The following ECPAS variants were observed in gnomAD, a reference collection of about 807,000 sequenced individuals.
ECPAS encodes the protein Ecm29 proteasome adaptor and scaffold, also known as proteasome adapter and scaffold protein ECM29.
Under a neutral mutation model 255.1 loss-of-function variants are expected in ECPAS, and 70 were observed. The ratio of observed to expected loss-of-function variants is 0.27; its 90% CI spans 0.23 to 0.33. The LOEUF (loss-of-function observed/expected upper bound fraction) is 0.33. Ranked by LOEUF, ECPAS falls within the 10% of genes least tolerant of loss-of-function variation. ECPAS has a pLI of 1.00. For missense variants in ECPAS, 1,817 were observed against 2,206.4 expected (o/e 0.82, Z 3.54); for synonymous variants, 784 against 775.0 (o/e 1.01, Z -0.19).
At chr9:111,441,739 T>A (rs553451600) in intron 5 of ECPAS, among the ~76,000 whole-genome samples, 130 of 152,304 alleles carry the variant, frequency 8.5e-4, no homozygotes, top group Middle Eastern at 3.4e-3. Flanking sequence ...CAGTATTTTT[T>A]AAAAAATGAA....
chr9:111,438,774 A>G (rs1017493316), intron 6 of ECPAS, among the ~76,000 whole-genome samples: 1 of 152,242 alleles, frequency 6.6e-6, no homozygotes. Context: ...AGGTGGTGAC[A>G]GTGAACATGG....
chr9:111,460,621 C>A lies in ECPAS; in HGVS notation c.23-9066G>T, dbSNP rs117096272. Among the ~76,000 whole-genome samples the A allele has an allele frequency of 0.013, 1,941 of 152,186 alleles. 71 individuals are homozygous for A. In the East Asian group the frequency reaches 0.14, roughly 11 times the overall value. ...AAAATTAATAGAATAACAAAATACA[C>A]AAATCAATTGGTTTCCTATATAATA... On this transcript the variant is annotated intron_variant, in intron 2 of 49. Coordinates refer to ENST00000684092, the MANE Select transcript of ECPAS (RefSeq NM_001364929.1).
chr9:111,417,131 C>T (rs772909737), intron 17 of ECPAS, among the ~76,000 whole-genome samples: 53 of 151,986 alleles, frequency 3.5e-4, no homozygotes, highest in Non-Finnish European at 6.0e-4. Flanking sequence ...TCCCAGCTAT[C>T]GGGAGGCTGA....
intron 2 of ECPAS, among the ~76,000 whole-genome samples, chr9:111,453,652 TGATGTCGTGCA>T (rs2131975110): frequency 6.6e-6 from 1 of 152,294 alleles, no homozygotes; most frequent in Non-Finnish European, 1.5e-5. Flanking sequence ...GTAAACCTCA[TGATGTCGTGCA>T]GATATCACGT....
At chr9:111,374,171 A>T in intron 38 of ECPAS, 133 bp from the exon 39 acceptor site, 1 of 588,368 alleles carries the variant, frequency 1.7e-6, no homozygotes. Flanking sequence ...GACTCAATAT[A>T]GAAAAAGGCA....
chr9:111,413,982 C>A lies in ECPAS; in HGVS notation c.1992G>T (p.Leu664Phe). ...LQQLLAGVGG[L>F]PVMYCLLEAV... ...CTTCCAATAGACAGTACATAACCGGCAAACCTAAATAAGAATTCAGAATCA... is the reference window on the plus strand; with the variant it reads ...CTTCCAATAGACAGTACATAACCGGAAAACCTAAATAAGAATTCAGAATCA... The change falls in exon 20 of 50, where the codon TTG becomes TTT. Residue 664 changes from leucine (L) to phenylalanine (F), a missense_variant. Transcript: ENST00000684092. The A allele has an allele frequency of 6.4e-7, 1 of 1,570,362 alleles. No homozygotes were observed. The highest frequency in any genetic ancestry group is 2.3e-5 in the East Asian group (1 of 43,710).
At chr9:111,418,831 G>A (rs1187316698) in intron 16 of ECPAS, among the ~76,000 whole-genome samples, 1 of 152,052 alleles carries the variant, frequency 6.6e-6, no homozygotes, top group Admixed American at 6.6e-5. Flanking sequence ...TGGCTGCCAG[G>A]CCCCAGTACA....
At chr9:111,415,683 AC>A (rs1186746086) in intron 18 of ECPAS, among the ~76,000 whole-genome samples, 1 of 151,314 alleles carries the variant, frequency 6.6e-6, no homozygotes, top group Non-Finnish European at 1.5e-5. Flanking sequence ...AGCACGGGCA[AC>A]AGAGTGAGAC....
intron 24 of ECPAS, among the ~76,000 whole-genome samples, chr9:111,398,989 G>A (rs776606019): frequency 7.2e-5 from 11 of 152,070 alleles, no homozygotes; most frequent in Non-Finnish European, 1.6e-4. Flanking sequence ...AAACTAGTGT[G>A]GCTATAGTCA....
At chr9:111,401,331 C>T (rs561846014) in intron 24 of ECPAS, among the ~76,000 whole-genome samples, 2 of 152,186 alleles carry the variant, frequency 1.3e-5, no homozygotes, top group Non-Finnish European at 2.9e-5. Flanking sequence ...TTGGTAGGAC[C>T]GTGATGGCGA....
intron 9 of ECPAS, 98 bp downstream of exon 9, chr9:111,430,449 T>C (rs1454659408): frequency 2.6e-6 from 2 of 777,576 alleles, no homozygotes; most frequent in East Asian, 2.7e-5. Flanking sequence ...ATAGCACAGA[T>C]TCAGCTTAAA....
intron 3 of ECPAS, among the ~76,000 whole-genome samples, chr9:111,446,273 A>G (rs1353004305): frequency 1.3e-5 from 2 of 152,252 alleles, no homozygotes; most frequent in Non-Finnish European, 2.9e-5. Flanking sequence ...GGATGTACAG[A>G]GGCTCATATC....
rs541971259 is a variant in ECPAS, at chr9:111,360,757, T to C, written c.*1273A>G. On this transcript the variant is annotated 3_prime_UTR_variant, in exon 50 of 50. Coordinates refer to ENST00000684092, the MANE Select transcript of ECPAS (RefSeq NM_001364929.1). ...AAAAAGTTTGAAATACATTGGTCAA[T>C]AGAGACCACCAAAAATAATAAACAT... The C allele has an allele frequency of 3.2e-4, 49 of 152,320 alleles. No homozygotes were observed. Among genetic ancestry groups the C allele is most frequent in the African/African-American group, 1.1e-3 (45 of 41,576 alleles). 9.4% of individuals were successfully genotyped at this position (152,320 alleles called of 1,614,324 possible).
intron 10 of ECPAS, among the ~76,000 whole-genome samples, 169 bp downstream of exon 10, chr9:111,427,873 T>C (rs577502763): frequency 1.3e-5 from 2 of 152,374 alleles, no homozygotes; most frequent in East Asian, 3.9e-4. Context: ...TTTCTGATAA[T>C]TTTTTTAAAA....
At chr9:111,370,288 T>C (rs938582125) in intron 45 of ECPAS, 147 bp downstream of exon 45, 11 of 595,240 alleles carry the variant, frequency 1.8e-5, no homozygotes, top group African/African-American at 5.6e-5. Flanking sequence ...AAACATAGCA[T>C]TGACTATCTT....
chr9:111,407,429 A>G (rs1326950973), intron 24 of ECPAS, among the ~76,000 whole-genome samples: 4 of 127,844 alleles, frequency 3.1e-5, no homozygotes, highest in African/African-American at 5.2e-5. Flanking sequence ...AAAAAAAAAA[A>G]AAAAAAAAAC....
In ECPAS at chr9:111,419,999, A is replaced by G; in HGVS notation, c.1559+18T>C. The G allele has an allele frequency of 1.3e-6, 2 of 1,531,798 alleles. No individual in the cohort carries two copies. The highest frequency in any genetic ancestry group is 1.8e-6 in the Non-Finnish European group (2 of 1,105,548). 94.9% of individuals were successfully genotyped at this position (1,531,798 alleles called of 1,614,324 possible). ...TCAAAATAAACCAAAATTCAAATTA[A>G]CACCTTTTGAAACTTACGGATCTCC... On this transcript the variant is annotated intron_variant, in intron 16 of 49. Transcript: ENST00000684092.
At chr9:111,404,220 C>CAAAA (rs1386563931) in intron 24 of ECPAS, among the ~76,000 whole-genome samples, 1 of 148,574 alleles carries the variant, frequency 6.7e-6, no homozygotes, top group African/African-American at 2.6e-5. Flanking sequence ...AAAGCAAAAG[C>CAAAA]AAAGCAAACC....
Position 111,436,965 on chromosome 9 carries a change from G to A in ECPAS, c.683C>T (p.Pro228Leu). The A allele has an allele frequency of 6.2e-7, 1 of 1,610,610 alleles. No individual in the cohort carries two copies. Among genetic ancestry groups the A allele is most frequent in the Non-Finnish European group, 8.5e-7 (1 of 1,178,666 alleles). Residue 228 changes from proline (P) to leucine (L), a missense_variant, in exon 7 of 50, where the codon CCA becomes CTA. By Grantham distance (98) the Pro-to-Leu change is moderately conservative. This residue lies in a region of ECPAS where 573 missense variants were observed against 716.2 expected (regional missense o/e 0.80). Coordinates refer to ENST00000684092, the MANE Select transcript of ECPAS (RefSeq NM_001364929.1). ...CTGTTCCAATTGTTCAGGTGTCCAT[G>A]GGTTATCACCAATAACTCGTTTGGC... Reference protein sequence around the residue: ...YAAKRVIGDNPWTPEQLEQCK... With the variant: ...YAAKRVIGDNLWTPEQLEQCK...
Sources: gnomAD v4.1 joint callset for allele counts (sites outside exome capture counted in the v4.1 genomes callset) on GRCh38, gnomAD v4.1.1 for gene constraint, gnomAD v4.1.1 regional missense constraint, MANE v1.5 for transcripts, NCBI Gene and HGNC (gene_info 2026-07-23, HGNC 2026-07-21) for gene names.